ITGB5: variants seen among roughly 807,000 people sequenced by gnomAD.
ITGB5 encodes integrin beta-5.
A neutral mutation model predicts 84.8 loss-of-function variants in ITGB5; 38 were observed. The observed-to-expected ratio is 0.45, with a 90% CI of 0.35 to 0.59. ITGB5 has a LOEUF of 0.59. Among genes scored for constraint, ITGB5 ranks in the 20% least tolerant of loss-of-function variants. ITGB5 has a pLI of 0.01. For synonymous variants in ITGB5, 393 were observed against 414.4 expected (o/e 0.95, Z 0.63); for missense variants, 905 against 1,034.5 (o/e 0.87, Z 1.72).
chr3:124,802,903 G>A (rs1480261979), intron 9 of ITGB5, among the ~76,000 whole-genome samples: 1 of 151,104 alleles, frequency 6.6e-6, no homozygotes, highest in Non-Finnish European at 1.5e-5. Flanking sequence ...CATGGCCCTC[G>A]GACAGCAAGA....
intron 5 of ITGB5, among the ~76,000 whole-genome samples, chr3:124,827,752 G>A (rs1426989529): frequency 6.6e-6 from 1 of 152,196 alleles, no homozygotes; most frequent in Non-Finnish European, 1.5e-5. Context: ...CAAAAGAAGT[G>A]AAAATGGCCT....
rs773882084 is a variant in ITGB5 at position 124,796,484 on chromosome 3, A to G, written c.1597T>C (p.Cys533Arg). Residue 533 changes from cysteine to arginine, a missense_variant, in exon 10 of 15, where the codon TGC becomes CGC. Transcript: ENST00000296181. ...SGRGDCSCNQ[C>R]SCFESEFGKI... ...CCAAACTCGCTCTCGAAGCAGGAGC[A>G]CTGGTTGCAGCTGCAGTCCCCACGC... 9.9e-6 allele frequency: 16 copies of G among 1,614,140 alleles called. No individual in the cohort carries two copies. Among genetic ancestry groups the G allele is most frequent in the Non-Finnish European group, 1.4e-5 (16 of 1,180,024 alleles).
At chr3:124,871,302 C>A (rs560568854) in intron 2 of ITGB5, among the ~76,000 whole-genome samples, 3 of 152,294 alleles carry the variant, frequency 2.0e-5, no homozygotes, top group Non-Finnish European at 4.4e-5. Flanking sequence ...TCAAGCAATT[C>A]TCCTGCCTCA....
Position 124,763,594 on chromosome 3 carries a change from C to A in ITGB5, c.*29G>T, listed in dbSNP as rs751835933. On this transcript the variant is annotated 3_prime_UTR_variant, in exon 15 of 15. Transcript: ENST00000296181. ...TTCAGTCTGACCTTTTCATCAGATC[C>A]CCGCTCCAGCCCCTCGGAGAAGGAA... is the stretch of plus-strand genomic sequence containing the variant. 2.2e-6 allele frequency: 3 copies of A among 1,386,886 alleles called. No homozygotes were observed. Among genetic ancestry groups the A allele is most frequent in the Non-Finnish European group, 3.1e-6 (3 of 973,226 alleles). 85.9% of individuals were successfully genotyped at this position (1,386,886 alleles called of 1,614,324 possible).
intron 11 of ITGB5, among the ~76,000 whole-genome samples, chr3:124,772,911 CTTTTT>C (rs35802279): frequency 2.4e-5 from 3 of 127,328 alleles, no homozygotes; most frequent in Non-Finnish European, 3.3e-5. Context: ...CTCCAATTTA[CTTTTT>C]TTTTTTTTTT....
At chr3:124,788,894 T>C (rs2064118578) in intron 10 of ITGB5, among the ~76,000 whole-genome samples, 1 of 152,192 alleles carries the variant, frequency 6.6e-6, no homozygotes, top group Non-Finnish European at 1.5e-5. Flanking sequence ...ATTAAATATG[T>C]CCAGCCTAGG....
chr3:124,812,732 AAAT>A (rs776431881), intron 8 of ITGB5, among the ~76,000 whole-genome samples: 9 of 152,218 alleles, frequency 5.9e-5, no homozygotes, highest in Non-Finnish European at 1.2e-4. Context: ...AAAAATGTAT[AAAT>A]CCAACTTGAT....
At chr3:124,894,134 C>CTTTTTTTT (rs748784158) in intron 1 of ITGB5, among the ~76,000 whole-genome samples, 13,492 of 103,012 alleles carry the variant, frequency 0.13, 3,007 homozygotes, top group Non-Finnish European at 0.18. Context: ...TGATATTTTT[C>CTTTTTTTT]TTTTTTTTTT....
At chr3:124,831,935 G>A (rs2064866039) in intron 5 of ITGB5, among the ~76,000 whole-genome samples, 1 of 152,202 alleles carries the variant, frequency 6.6e-6, no homozygotes, top group Non-Finnish European at 1.5e-5. Flanking sequence ...GAATGAGAAG[G>A]CAGATATCAG....
chr3:124,796,940 G>C, intron 9 of ITGB5, 123 bp from the exon 10 acceptor site: 2 of 877,756 alleles, frequency 2.3e-6, no homozygotes, highest in East Asian at 5.3e-5. Context: ...CACTCAGGTA[G>C]AACCACCAAG....
At position 124,796,824 on chromosome 3, in the gene ITGB5, A is replaced by G; in HGVS notation, c.1264-7T>C. ...ATGATACTTCAAAAGATGCCTGGGC[A>G]GAAGGAAGAGAAGGGATATCATGGC... On this transcript the variant is annotated splice_polypyrimidine_tract_variant and splice_region_variant and intron_variant, in intron 9 of 14. Transcript: ENST00000296181. 1.9e-6 allele frequency: 3 copies of G among 1,583,160 alleles called. No individual in the cohort carries two copies. Among genetic ancestry groups the G allele is most frequent in the Middle Eastern group, 1.7e-4 (1 of 5,838 alleles).
At chr3:124,867,519 T>C (rs77339838) in intron 2 of ITGB5, among the ~76,000 whole-genome samples, 6,797 of 152,288 alleles carry the variant, frequency 0.045, 350 homozygotes, top group East Asian at 0.12. Context: ...CCCTCAGCCT[T>C]GCCCACTTCT....
intron 2 of ITGB5, among the ~76,000 whole-genome samples, chr3:124,864,891 C>G (rs1458674492): frequency 1.3e-5 from 2 of 152,236 alleles, no homozygotes; most frequent in Admixed American, 1.3e-4. Flanking sequence ...GGGCCCTTGA[C>G]TGCATCACCT....
intron 1 of ITGB5, among the ~76,000 whole-genome samples, chr3:124,900,349 T>C (rs1935192034): frequency 6.6e-6 from 1 of 152,178 alleles, no homozygotes; most frequent in Admixed American, 6.5e-5. Context: ...GGGGTTAATA[T>C]GTGTGAGGCA....
intron 5 of ITGB5, among the ~76,000 whole-genome samples, chr3:124,829,994 A>G (rs1460320087): frequency 6.6e-6 from 1 of 152,220 alleles, no homozygotes; most frequent in Non-Finnish European, 1.5e-5. Flanking sequence ...TGAGAAAATT[A>G]ACAAAAATGG....
At chr3:124,868,500 C>A (rs1447879917) in intron 2 of ITGB5, among the ~76,000 whole-genome samples, 1 of 151,556 alleles carries the variant, frequency 6.6e-6, no homozygotes, top group Non-Finnish European at 1.5e-5. Flanking sequence ...AGGCAAGAGG[C>A]CAGGCACAGT....
At chr3:124,809,184 A>G (rs1367479008) in intron 8 of ITGB5, 28 bp from the exon 9 acceptor site, 17 of 1,612,960 alleles carry the variant, frequency 1.1e-5, no homozygotes, top group African/African-American at 2.7e-5. Flanking sequence ...ATGAAGCCCA[A>G]CCATTTAATA....
intron 1 of ITGB5, among the ~76,000 whole-genome samples, chr3:124,897,778 G>A (rs928878998): frequency 6.6e-6 from 1 of 152,198 alleles, no homozygotes; most frequent in African/African-American, 2.4e-5. Flanking sequence ...TGGTGTTTAT[G>A]CTGGGTCTCA....
intron 2 of ITGB5, among the ~76,000 whole-genome samples, chr3:124,861,499 C>T (rs542277325): frequency 1.9e-3 from 217 of 115,576 alleles, no homozygotes; most frequent in African/African-American, 5.9e-3. Context: ...TATATATACA[C>T]ACACACACAC....
Sources: gnomAD v4.1 joint callset for allele counts (sites outside exome capture counted in the v4.1 genomes callset) on GRCh38, gnomAD v4.1.1 for gene constraint, MANE v1.5 for transcripts, NCBI Gene and HGNC (gene_info 2026-07-23, HGNC 2026-07-21) for gene names.